The following DOCK5 variants were observed in gnomAD, a reference collection of about 807,000 sequenced individuals.
The protein encoded by DOCK5 is dedicator of cytokinesis protein 5.
A neutral mutation model predicts 251.8 loss-of-function variants in DOCK5; 142 were observed. The ratio of observed to expected loss-of-function variants is 0.56; its 90% CI spans 0.49 to 0.65. The LOEUF (loss-of-function observed/expected upper bound fraction) is 0.65. DOCK5 is among the 30% of genes least tolerant of loss of function. The probability of loss-of-function intolerance (pLI) is 0.00; values close to 1 mark genes in which losing one functional copy is unlikely to be tolerated. For missense variants in DOCK5, 2,111 were observed against 2,312.3 expected (o/e 0.91, Z 1.79); for synonymous variants, 842 against 835.5 (o/e 1.01, Z -0.13).
intron 13 of DOCK5, among the ~76,000 whole-genome samples, chr8:25,314,708 A>AT (rs397722729): frequency 0.79 from 104,556 of 132,552 alleles, 41,341 homozygotes; most frequent in Middle Eastern, 0.83. Context: ...CCATCCATCC[A>AT]CGTACCCAAC....
intron 6 of DOCK5, among the ~76,000 whole-genome samples, chr8:25,294,257 C>A (rs1804563832): frequency 6.6e-6 from 1 of 152,140 alleles, no homozygotes; most frequent in East Asian, 1.9e-4. Flanking sequence ...CCAGCATGGC[C>A]ATTGTTCATG....
At position 25,365,234 on chromosome 8, in the gene DOCK5, C is replaced by T. The variant is rs570107887; in HGVS notation, c.3123+530C>T. ...GTTAGAGTACTTACATGTACAGGGC[C>T]CTGTTTTGCGCCCTGGTAGGGGCAT... On this transcript the variant is annotated intron_variant, in intron 30 of 51. Coordinates refer to ENST00000276440, the MANE Select transcript of DOCK5 (RefSeq NM_024940.8). Among the ~76,000 whole-genome samples the T allele has an allele frequency of 1.9e-4, 29 of 152,238 alleles. No individual in the cohort carries two copies. The South Asian group carries it at 6.0e-3, about 32-fold the overall frequency.
At chr8:25,403,537 T>C in intron 47 of DOCK5, 21 bp from the exon 48 acceptor site, 2 of 1,612,616 alleles carry the variant, frequency 1.2e-6, no homozygotes, top group Non-Finnish European at 1.7e-6. Flanking sequence ...CCGCTAACCA[T>C]GTGGAGTCAT....
At chr8:25,270,034 C>T (rs1363119203) in intron 3 of DOCK5, among the ~76,000 whole-genome samples, 3 of 152,204 alleles carry the variant, frequency 2.0e-5, no homozygotes, top group African/African-American at 7.2e-5. Flanking sequence ...GCTTAAGTCA[C>T]ACTCAGTATT....
rs1343137510 is a variant in DOCK5 at position 25,401,021 on chromosome 8, G to A, written c.4881G>A (p.Arg1627=). ...PLHERLSSCF[R]ELKEKVEKHY... ...ATGAGCGGTTGTCTTCTTGCTTCCGGGAACTCAAGGAGAAAGTAGAAAAGC... is the reference window on the plus strand; with the variant it reads ...ATGAGCGGTTGTCTTCTTGCTTCCGAGAACTCAAGGAGAAAGTAGAAAAGC... Residue 1627 remains arginine (R), a synonymous_variant, in exon 47 of 52, where the codon CGG becomes CGA. Transcript: ENST00000276440. 7 of 1,613,994 alleles carry A rather than the reference G, an allele frequency of 4.3e-6. No individual in the cohort carries two copies. The South Asian group carries it at 6.6e-5, about 15-fold the overall frequency.
chr8:25,327,020 C>T (rs769919849), intron 18 of DOCK5, among the ~76,000 whole-genome samples: 1 of 152,128 alleles, frequency 6.6e-6, no homozygotes, highest in Non-Finnish European at 1.5e-5. Flanking sequence ...GCTTCAAATC[C>T]CAGCTCTGCC....
In DOCK5 at chr8:25,243,668, T is replaced by G. The variant is rs1803017951; in HGVS notation, c.44-6T>G. The G allele has an allele frequency of 2.5e-6, 4 of 1,612,410 alleles. No homozygotes were observed. The highest frequency in any genetic ancestry group is 1.7e-5 in the Admixed American group (1 of 59,908). On this transcript the variant is annotated splice_region_variant and splice_polypyrimidine_tract_variant and intron_variant, in intron 1 of 51. Transcript: ENST00000276440. ...CTAATTTCCCTTTTTTATTTCTCAT[T>G]TCCAGCGATCTATAACTACAATGCT...
At chr8:25,345,287 T>C (rs1800340069) in intron 25 of DOCK5, 188 bp from the exon 26 acceptor site, 1 of 517,572 alleles carries the variant, frequency 1.9e-6, no homozygotes, top group Non-Finnish European at 3.2e-6. Context: ...CATCTGCGCA[T>C]TGAACAAGGG....
chr8:25,266,768 T>G (rs2117594882), intron 2 of DOCK5, among the ~76,000 whole-genome samples: 1 of 151,658 alleles, frequency 6.6e-6, no homozygotes, highest in Middle Eastern at 3.4e-3. Flanking sequence ...GTTTACAAAT[T>G]CAGCATGATA....
rs771147377 is a variant in DOCK5 at position 25,408,200 on chromosome 8, C to G, written c.5265+46C>G. On this transcript the variant is annotated intron_variant, in intron 49 of 51. Coordinates refer to ENST00000276440, the MANE Select transcript of DOCK5 (RefSeq NM_024940.8). ...AAAGAAATCTCTGGAGGCTTGCCCC[C>G]CTCTCCCCTGTACCCAGGCATATCA... The G allele has an allele frequency of 9.8e-6, 15 of 1,529,334 alleles. No homozygotes were observed. In the South Asian group the frequency reaches 1.2e-4, roughly 13 times the overall value. The allele number at this position is 1,529,334 out of a possible 1,614,324, so 94.7% of individuals were successfully genotyped here. A position where few individuals can be genotyped will look rare whatever the true frequency, so the allele number is the denominator to read the frequency against.
chr8:25,308,662 T>A (rs1805009233), intron 11 of DOCK5, 121 bp from the exon 12 acceptor site: 3 of 984,724 alleles, frequency 3.0e-6, no homozygotes, highest in Admixed American at 5.4e-5. Context: ...GATAGAAAGA[T>A]AGGGGTACTT....
intron 1 of DOCK5, among the ~76,000 whole-genome samples, chr8:25,228,094 C>T (rs769046740): frequency 5.9e-5 from 9 of 152,242 alleles, no homozygotes; most frequent in South Asian, 2.1e-4. Flanking sequence ...TCAGGCTGGT[C>T]TCAAACTCCT....
intron 11 of DOCK5, chr8:25,304,614 G>A: frequency 3.0e-6 from 1 of 328,408 alleles, no homozygotes; most frequent in Non-Finnish European, 5.5e-6. Context: ...TGCCGTCCTT[G>A]TGTCAGCAAT....
intron 27 of DOCK5, among the ~76,000 whole-genome samples, chr8:25,353,134 C>T (rs1367371817): frequency 6.6e-6 from 1 of 152,108 alleles, no homozygotes; most frequent in African/African-American, 2.4e-5. Flanking sequence ...CCGAGGAGTT[C>T]GAGACTGGCC....
At chr8:25,369,475 GGTTGGCCAAGTCTAGAAA>G in intron 33 of DOCK5, 63 bp from the exon 34 acceptor site, 1 of 1,235,536 alleles carries the variant, frequency 8.1e-7, no homozygotes, top group Non-Finnish European at 1.1e-6. Flanking sequence ...TCAGCGAATG[GGTTGGCCAAGTCTAGAAA>G]GTTGGCCATG....
intron 39 of DOCK5, among the ~76,000 whole-genome samples, chr8:25,381,937 A>G (rs1033799877): frequency 3.3e-5 from 5 of 152,216 alleles, no homozygotes; most frequent in African/African-American, 1.2e-4. Flanking sequence ...CCTTCTGGGC[A>G]CTTATAATTT....
At chr8:25,265,992 G>A (rs1176082500) in intron 2 of DOCK5, among the ~76,000 whole-genome samples, 1 of 151,928 alleles carries the variant, frequency 6.6e-6, no homozygotes, top group African/African-American at 2.4e-5. Context: ...GCAACCCTCA[G>A]CATAGAATAC....
chr8:25,324,085 C>T (rs1034594011), intron 17 of DOCK5, 134 bp downstream of exon 17: 1 of 1,010,492 alleles, frequency 9.9e-7, no homozygotes, highest in African/African-American at 1.6e-5. Flanking sequence ...CATCTAGAAA[C>T]CCAGAGGGCT....
intron 13 of DOCK5, 56 bp downstream of exon 13, chr8:25,310,588 T>C: frequency 6.6e-7 from 1 of 1,520,142 alleles, no homozygotes; most frequent in Non-Finnish European, 8.8e-7. Context: ...GATTATTTCT[T>C]ATTGGACGGT....
Sources: gnomAD v4.1 joint callset for allele counts (sites outside exome capture counted in the v4.1 genomes callset) on GRCh38, gnomAD v4.1.1 for gene constraint, MANE v1.5 for transcripts, NCBI Gene and HGNC (gene_info 2026-07-23, HGNC 2026-07-21) for gene names.